The following MAF variants were observed in gnomAD, a reference collection of about 807,000 sequenced individuals.
MAF encodes the protein transcription factor Maf.
MAF carries 10 observed loss-of-function variants against 22.0 expected under a neutral mutation model. That is an observed-to-expected ratio of 0.45 (90% CI 0.28 to 0.77). MAF has a LOEUF of 0.77. Among genes scored for constraint, MAF ranks in the 30% least tolerant of loss-of-function variants. The probability of loss-of-function intolerance (pLI) is 0.12; values close to 1 mark genes in which losing one functional copy is unlikely to be tolerated. For missense variants in MAF, 544 were observed against 548.4 expected, an observed-to-expected ratio of 0.99 and a Z score of 0.08; for synonymous variants, 337 against 255.8, an observed-to-expected ratio of 1.32 and a Z score of -3.03.
At chr16:79,555,339 T>A in the MAF span, among the ~76,000 whole-genome samples, 1 of 152,232 alleles carries the variant, frequency 6.6e-6, no homozygotes, top group Non-Finnish European at 1.5e-5. Context: ...ACTTTACAGT[T>A]TGAAGTGTCA....
At chr16:79,563,746 CACACACACACACACACAA>C in the MAF span, among the ~76,000 whole-genome samples, 3,266 of 149,868 alleles carry the variant, frequency 0.022, 56 homozygotes, top group Middle Eastern at 0.065. Context: ...AACACACACA[CACACACACACACACACAA>C]ACACACACAC....
the MAF span, among the ~76,000 whole-genome samples, chr16:79,209,380 T>C: frequency 6.6e-6 from 1 of 152,200 alleles, no homozygotes; most frequent in Non-Finnish European, 1.5e-5. Context: ...AAATATTTTA[T>C]CAGGTTAGGA....
chr16:79,369,786 C>G, the MAF span, among the ~76,000 whole-genome samples: 4 of 152,240 alleles, frequency 2.6e-5, no homozygotes, highest in South Asian at 8.3e-4. Context: ...GCTTGGCATG[C>G]AGTGGCATTC....
At chr16:79,402,758 G>T in the MAF span, among the ~76,000 whole-genome samples, 1 of 152,174 alleles carries the variant, frequency 6.6e-6, no homozygotes. Context: ...CATTGGCAAT[G>T]ACGCTGGATT....
chr16:79,310,205 T>C, the MAF span, among the ~76,000 whole-genome samples: 1 of 152,198 alleles, frequency 6.6e-6, no homozygotes, highest in Non-Finnish European at 1.5e-5. Flanking sequence ...AATCCCTGAC[T>C]TGGTGCACGC....
At chr16:79,407,219 C>T in the MAF span, among the ~76,000 whole-genome samples, 1 of 152,144 alleles carries the variant, frequency 6.6e-6, no homozygotes, top group South Asian at 2.1e-4. Flanking sequence ...CCTCGGTGTC[C>T]TGGACGCGTT....
At chr16:79,519,096 A>G in the MAF span, among the ~76,000 whole-genome samples, 9 of 152,240 alleles carry the variant, frequency 5.9e-5, no homozygotes, top group East Asian at 1.5e-3. Flanking sequence ...TCACTTTCCA[A>G]AGTTCCTCCT....
At chr16:79,415,911 T>C in the MAF span, among the ~76,000 whole-genome samples, 2 of 152,014 alleles carry the variant, frequency 1.3e-5, no homozygotes, top group Non-Finnish European at 2.9e-5. Context: ...TTGCATCCCT[T>C]GGTGTATTGT....
At chr16:79,221,700 T>A in the MAF span, among the ~76,000 whole-genome samples, 4 of 151,854 alleles carry the variant, frequency 2.6e-5, no homozygotes, top group Non-Finnish European at 5.9e-5. Context: ...TGTGCATGAG[T>A]GTATGTGATT....
chr16:79,214,023 G>C, the MAF span, among the ~76,000 whole-genome samples: 2 of 152,078 alleles, frequency 1.3e-5, no homozygotes, highest in African/African-American at 2.4e-5. Context: ...CCCAACTCAA[G>C]GGGTGCATAT....
the MAF span, among the ~76,000 whole-genome samples, chr16:79,459,506 T>C: frequency 6.6e-6 from 1 of 152,184 alleles, no homozygotes; most frequent in South Asian, 2.1e-4. Context: ...AGCTTCAGAA[T>C]ACATTTTAAC....
At chr16:79,566,527 T>A in the MAF span, among the ~76,000 whole-genome samples, 2 of 152,286 alleles carry the variant, frequency 1.3e-5, no homozygotes, top group Middle Eastern at 3.4e-3. Flanking sequence ...AAACCAACCA[T>A]CTCTGGAGGG....
the MAF span, among the ~76,000 whole-genome samples, chr16:79,533,156 A>G: frequency 6.6e-6 from 1 of 152,194 alleles, no homozygotes; most frequent in African/African-American, 2.4e-5. Context: ...TGGATCAAGA[A>G]CATTAGCCAA....
the MAF span, among the ~76,000 whole-genome samples, chr16:79,444,019 C>A: frequency 6.6e-6 from 1 of 151,928 alleles, no homozygotes; most frequent in Admixed American, 6.6e-5. Context: ...TATATACGTA[C>A]ACACACAAAT....
At chr16:79,349,187 G>T in the MAF span, among the ~76,000 whole-genome samples, 1 of 152,192 alleles carries the variant, frequency 6.6e-6, no homozygotes, top group African/African-American at 2.4e-5. Context: ...CTTGCCCAAG[G>T]GCACACAGTG....
chr16:79,211,474 C>G, the MAF span: 8 of 1,115,948 alleles, frequency 7.2e-6, no homozygotes, highest in Middle Eastern at 2.8e-4. Flanking sequence ...AGCCCAGTAC[C>G]CTTTGCTATG....
the MAF span, among the ~76,000 whole-genome samples, chr16:79,475,250 A>G: frequency 4.6e-5 from 7 of 152,014 alleles, no homozygotes; most frequent in African/African-American, 1.7e-4. Flanking sequence ...ACTTCCTAGA[A>G]TTAGCTTTAA....
the MAF span, among the ~76,000 whole-genome samples, chr16:79,534,302 T>C: frequency 2.0e-5 from 3 of 152,212 alleles, no homozygotes; most frequent in African/African-American, 7.2e-5. Context: ...CTTCCTCCTG[T>C]GTCTCCTTCT....
At chr16:79,458,189 G>C in the MAF span, among the ~76,000 whole-genome samples, 1 of 149,092 alleles carries the variant, frequency 6.7e-6, no homozygotes, top group Non-Finnish European at 1.5e-5. Context: ...AAGAGAAAGA[G>C]CTCATGACTT....
Sources: gnomAD v4.1 joint callset for allele counts (sites outside exome capture counted in the v4.1 genomes callset) on GRCh38, gnomAD v4.1.1 for gene constraint, MANE v1.5 for transcripts, NCBI Gene and HGNC (gene_info 2026-07-23, HGNC 2026-07-21) for gene names.